PPP1R1C: variants seen among roughly 807,000 people sequenced by gnomAD.
PPP1R1C encodes protein phosphatase 1 regulatory inhibitor subunit 1C, also known as protein phosphatase 1 regulatory subunit 1C.
In PPP1R1C, 15 loss-of-function variants were observed where a neutral mutation model predicts 17.4. The observed-to-expected ratio is 0.86, with a 90% CI of 0.58 to 1.33. PPP1R1C has a LOEUF of 1.33. Among genes scored for constraint, PPP1R1C ranks in the 40% most tolerant of loss-of-function variants. The pLI is 0.00. For missense variants in PPP1R1C, 143 were observed against 130.0 expected (o/e 1.10, Z -0.48); for synonymous variants, 35 against 43.1 (o/e 0.81, Z 0.73).
At chr2:182,062,192 G>A (rs922028232) in intron 3 of PPP1R1C, among the ~76,000 whole-genome samples, 1 of 152,032 alleles carries the variant, frequency 6.6e-6, no homozygotes, top group Non-Finnish European at 1.5e-5. Flanking sequence ...AATACTTAAA[G>A]AGAAAAATGT....
chr2:182,048,886 A>G (rs3108788), intron 2 of PPP1R1C: 6,701 of 152,428 alleles, frequency 0.044, 441 homozygotes, highest in Admixed American at 0.18. Context: ...AGCAGTGTTG[A>G]GCCTGGTGAG....
At chr2:181,978,354 A>G (rs1685134831) in intron 2 of PPP1R1C, among the ~76,000 whole-genome samples, 1 of 152,196 alleles carries the variant, frequency 6.6e-6, no homozygotes, top group African/African-American at 2.4e-5. Context: ...GAACATTTGG[A>G]GAGTAGGCAG....
chr2:182,009,272 G>T (rs1047749143), intron 2 of PPP1R1C, among the ~76,000 whole-genome samples: 1 of 151,848 alleles, frequency 6.6e-6, no homozygotes, highest in Non-Finnish European at 1.5e-5. Flanking sequence ...TTCCTTTTCT[G>T]CACATCCTCA....
intron 1 of PPP1R1C, among the ~76,000 whole-genome samples, chr2:181,972,534 T>C (rs964700): frequency 0.067 from 10,241 of 151,910 alleles, 1,146 homozygotes; most frequent in African/African-American, 0.23. Context: ...TCCAGAGGAT[T>C]GAGCAACAAA....
At chr2:181,965,733 A>G (rs999957741) in intron 1 of PPP1R1C, among the ~76,000 whole-genome samples, 4 of 152,164 alleles carry the variant, frequency 2.6e-5, no homozygotes, top group Non-Finnish European at 5.9e-5. Context: ...AAGTCAGGTA[A>G]TGTGATCCCT....
chr2:182,012,781 T>G (rs1686124106), intron 2 of PPP1R1C, among the ~76,000 whole-genome samples: 1 of 152,108 alleles, frequency 6.6e-6, no homozygotes, highest in African/African-American at 2.4e-5. Flanking sequence ...GTTTTGTGAT[T>G]TGAGATTATC....
intron 4 of PPP1R1C, among the ~76,000 whole-genome samples, chr2:182,064,697 A>G (rs936291712): frequency 6.6e-6 from 1 of 152,118 alleles, no homozygotes; most frequent in Non-Finnish European, 1.5e-5. Flanking sequence ...ATGCAGCTAT[A>G]AAACACCATG....
At chr2:182,062,735 C>T (rs1008323861) in intron 3 of PPP1R1C, among the ~76,000 whole-genome samples, 1 of 152,110 alleles carries the variant, frequency 6.6e-6, no homozygotes, top group Non-Finnish European at 1.5e-5. Flanking sequence ...GGAAAGAGGC[C>T]TCAAGCTCTA....
intron 1 of PPP1R1C, among the ~76,000 whole-genome samples, chr2:181,973,181 C>G (rs1685041904): frequency 6.6e-6 from 1 of 152,108 alleles, no homozygotes; most frequent in Non-Finnish European, 1.5e-5. Flanking sequence ...ACCACCATGA[C>G]CAAGACACAG....
Position 181,962,134 on chromosome 2 carries a change from G to C in PPP1R1C, n.111+7500G>C. 1.4e-6 allele frequency: 1 copy of C among 730,302 alleles called. No individual in the cohort carries two copies. 45.2% of individuals were successfully genotyped at this position (730,302 alleles called of 1,614,324 possible). A position where few individuals can be genotyped will look rare whatever the true frequency, so the allele number is the denominator to read the frequency against. ...TGACCTGGAGTCCCTTCTTCTCCAG[G>C]TGCTCCCGGATTTTGCTCTCCAGCT... On this transcript the variant is annotated intron_variant and non_coding_transcript_variant, in intron 1 of 5. Transcript: ENST00000464264. This position sits in a 1 kb window ranked among gnomAD's most constrained non-coding sequence, Gnocchi z 6.0.
At position 182,100,216 on chromosome 2, in the gene PPP1R1C, A is replaced by T. The variant is rs180900370; in HGVS notation, c.242-16991A>T. ...CTCAAAAGGAGATTCCAGGGAAGAT[A>T]TAAGACAGAGAGAGGCTGGGCGTAG... On this transcript the variant is annotated intron_variant, in intron 4 of 4. Coordinates refer to ENST00000682840, the MANE Select transcript of PPP1R1C (RefSeq NM_001080545.3). Among the ~76,000 whole-genome samples the T allele has an allele frequency of 2.8e-3, 431 of 152,252 alleles. 4 individuals carry two copies. Among genetic ancestry groups the T allele is most frequent in the African/African-American group, 9.7e-3 (403 of 41,536 alleles).
At chr2:181,993,788 C>A (rs188602911) in intron 2 of PPP1R1C, among the ~76,000 whole-genome samples, 1 of 151,948 alleles carries the variant, frequency 6.6e-6, no homozygotes, top group Non-Finnish European at 1.5e-5. Flanking sequence ...AGCTAAATAG[C>A]CCAATCAGTT....
intron 1 of PPP1R1C, 72 bp downstream of exon 1, chr2:181,986,263 A>C: frequency 6.5e-6 from 8 of 1,227,862 alleles, no homozygotes; most frequent in South Asian, 1.2e-5. Context: ...TTATTAATTG[A>C]AAGGTTCTTT....
intron 4 of PPP1R1C, among the ~76,000 whole-genome samples, chr2:182,072,077 C>A (rs1449211604): frequency 6.6e-6 from 1 of 152,194 alleles, no homozygotes; most frequent in Non-Finnish European, 1.5e-5. Context: ...AAATCTATCT[C>A]CTTGCAAAAA....
At chr2:182,073,136 T>C (rs1385408485) in intron 4 of PPP1R1C, among the ~76,000 whole-genome samples, 1 of 152,138 alleles carries the variant, frequency 6.6e-6, no homozygotes, top group Admixed American at 6.5e-5. Context: ...AGGCGTTTCT[T>C]CGTCCGCCTT....
intron 2 of PPP1R1C, among the ~76,000 whole-genome samples, chr2:182,040,920 G>A (rs1687163626): frequency 6.6e-6 from 1 of 152,042 alleles, no homozygotes; most frequent in African/African-American, 2.4e-5. Context: ...CTTGTCCCTA[G>A]TTTATGTTTT....
intron 2 of PPP1R1C, among the ~76,000 whole-genome samples, chr2:182,009,454 C>G (rs971052030): frequency 2.6e-5 from 4 of 152,046 alleles, no homozygotes; most frequent in African/African-American, 9.7e-5. Context: ...AGATCTTTCG[C>G]CCATTTTTAA....
intron 2 of PPP1R1C, among the ~76,000 whole-genome samples, chr2:182,014,316 G>A (rs1213316607): frequency 1.3e-5 from 2 of 152,154 alleles, no homozygotes; most frequent in East Asian, 1.9e-4. Context: ...TGCCTTGGGG[G>A]TCTTGTTAAA....
At chr2:182,014,412 C>G (rs1686190766) in intron 2 of PPP1R1C, among the ~76,000 whole-genome samples, 2 of 152,182 alleles carry the variant, frequency 1.3e-5, no homozygotes, top group Non-Finnish European at 2.9e-5. Context: ...CTCTCTCTCT[C>G]TGTGCTGAGC....
Sources: allele counts gnomAD v4.1 joint callset (sites outside exome capture counted in the v4.1 genomes callset), GRCh38; gene constraint gnomAD v4.1.1; non-coding constraint Gnocchi (gnomAD v3.1); transcripts MANE v1.5; gene names NCBI Gene and HGNC (gene_info 2026-07-23, HGNC 2026-07-21).